CLPTM1L: variants seen among roughly 807,000 people sequenced by gnomAD.
CLPTM1L encodes lipid scramblase CLPTM1L.
CLPTM1L carries 38 observed loss-of-function variants against 70.9 expected under a neutral mutation model. The ratio of observed to expected loss-of-function variants is 0.54; its 90% CI spans 0.41 to 0.70. CLPTM1L has a LOEUF of 0.70. Ranked by LOEUF, CLPTM1L falls within the 30% of genes least tolerant of loss-of-function variation. CLPTM1L has a pLI of 0.00. For synonymous variants in CLPTM1L, 339 were observed against 299.9 expected (o/e 1.13, Z -1.35); for missense variants, 652 against 705.9 (o/e 0.92, Z 0.87).
At chr5:1,332,189 G>A (rs1369276479) in intron 7 of CLPTM1L, 1 of 368,398 alleles carries the variant, frequency 2.7e-6, no homozygotes, top group East Asian at 5.1e-5. Flanking sequence ...GGCCTGGCTG[G>A]GCACCCCTGC....
Position 1,318,603 on chromosome 5 carries a change from G to A in CLPTM1L, c.1533-150C>T, listed in dbSNP as rs577439365. ...TCGAATCCTCAGAAGTTTTACTGCC[G>A]AGGGCTGAGGAGGGATTTCTGAGTT... is the stretch of plus-strand genomic sequence containing the variant. On this transcript the variant is annotated intron_variant, in intron 16 of 16. Coordinates refer to ENST00000320895, the MANE Select transcript of CLPTM1L (RefSeq NM_030782.5). The surrounding 1 kb of genome is among the most constrained non-coding windows in gnomAD (Gnocchi z 8.9). The A allele has an allele frequency of 2.0e-5, 13 of 643,352 alleles. No homozygotes were observed. The highest frequency in any genetic ancestry group is 9.1e-5 in the African/African-American group (5 of 55,022). The allele number at this position is 643,352 out of a possible 1,614,324, so 39.9% of individuals were successfully genotyped here.
At chr5:1,334,964 G>A (rs1429797284) in intron 6 of CLPTM1L, 93 bp downstream of exon 6, 18 of 863,632 alleles carry the variant, frequency 2.1e-5, no homozygotes, top group South Asian at 1.6e-4. Flanking sequence ...AGCAGGAGGC[G>A]AGGAGGCCCC....
At chr5:1,332,792 T>G (rs1381410384) in intron 7 of CLPTM1L, among the ~76,000 whole-genome samples, 1 of 152,258 alleles carries the variant, frequency 6.6e-6, no homozygotes, top group Non-Finnish European at 1.5e-5. Flanking sequence ...ACTTATAAAT[T>G]GAACTTTATC....
chr5:1,331,503 G>A (rs1189563843), intron 8 of CLPTM1L: 8 of 502,744 alleles, frequency 1.6e-5, no homozygotes, highest in Non-Finnish European at 2.9e-5. Context: ...AGAGGTCCAT[G>A]CATCTCACTC....
chr5:1,340,989 C>G (rs1332370602), intron 3 of CLPTM1L, among the ~76,000 whole-genome samples: 1 of 152,178 alleles, frequency 6.6e-6, no homozygotes, highest in Non-Finnish European at 1.5e-5. Flanking sequence ...TAGTCTCGAA[C>G]TCCTGACTGC....
intron 5 of CLPTM1L, among the ~76,000 whole-genome samples, chr5:1,337,213 G>C (rs1054870187): frequency 6.6e-6 from 1 of 152,214 alleles, no homozygotes; most frequent in Non-Finnish European, 1.5e-5. Flanking sequence ...CACAATTACG[G>C]AAAGATTCAC....
intron 13 of CLPTM1L, 135 bp downstream of exon 13, chr5:1,322,742 T>A: frequency 1.1e-6 from 1 of 886,066 alleles, no homozygotes; most frequent in South Asian, 1.4e-5. Context: ...GCACCGCACA[T>A]GTGCCAGAAC....
chr5:1,324,899 G>C (rs1200104732), intron 10 of CLPTM1L, 86 bp from the exon 11 acceptor site: 2 of 1,273,082 alleles, frequency 1.6e-6, no homozygotes, highest in East Asian at 4.6e-5. Context: ...CGTCACATAT[G>C]GCTGCAGAGC....
chr5:1,327,418 C>T (rs531908142), intron 9 of CLPTM1L, among the ~76,000 whole-genome samples: 7 of 147,062 alleles, frequency 4.8e-5, no homozygotes, highest in African/African-American at 1.8e-4. Context: ...CCAGCTCCTC[C>T]TCTACAGACA....
chr5:1,338,410 G>C (rs556677947), intron 4 of CLPTM1L: 3 of 165,408 alleles, frequency 1.8e-5, no homozygotes, highest in East Asian at 9.4e-5. Context: ...GCAGGAGTTG[G>C]GGGGGGGATC....
In CLPTM1L at chr5:1,344,803, C is replaced by T. The variant is rs1754175077; in HGVS notation, c.39G>A (p.Val13=). Reference sequence around the variant, plus strand: ...GCACCACGTAGACCACGAACACGCCCACCACCAAGCTGGTGAAGGAGCTGC... The same window carrying T: ...GCACCACGTAGACCACGAACACGCCTACCACCAAGCTGGTGAAGGAGCTGC... The part of the protein sequence containing the change: ...SGRSSFTSLV[V]GVFVVYVVHT... The change falls in exon 1 of 17, where the codon GTG becomes GTA. Residue 13 remains valine, a synonymous_variant. Coordinates refer to ENST00000320895, the MANE Select transcript of CLPTM1L (RefSeq NM_030782.5). 1 of 1,599,722 alleles carries T rather than the reference C, an allele frequency of 6.3e-7. No individual in the cohort carries two copies. The highest frequency in any genetic ancestry group is 1.1e-5 in the South Asian group (1 of 89,150).
In CLPTM1L at chr5:1,318,404, CGTA is replaced by C. The variant is rs1561224742; in HGVS notation, c.1579_1581del (p.Tyr527del). 1.2e-6 allele frequency: 2 copies of C among 1,613,906 alleles called. No homozygotes were observed. Among genetic ancestry groups the C allele is most frequent in the Admixed American group, 3.3e-5 (2 of 60,032 alleles). ...TGGGGCGCCCGCGTGGCCTTCTCCT[CGTA>C]GGACTCCCCAAACTCGTTCACTCTG... On this transcript the variant is annotated inframe_deletion, in exon 17 of 17. Coordinates refer to ENST00000320895, the MANE Select transcript of CLPTM1L (RefSeq NM_030782.5). This position sits in a 1 kb window ranked among gnomAD's most constrained non-coding sequence, Gnocchi z 8.9.
Position 1,341,629 on chromosome 5 carries a change from G to A in CLPTM1L, c.453+42C>T, listed in dbSNP as rs774022487. ...GGAGAAAGACATGTCCGTTCTGACG[G>A]AGAGGCACAGCCTGTTATCAGTAAC... On this transcript the variant is annotated intron_variant, in intron 3 of 16. Coordinates refer to ENST00000320895, the MANE Select transcript of CLPTM1L (RefSeq NM_030782.5). 29 of 1,524,786 alleles carry A rather than the reference G, an allele frequency of 1.9e-5. No individual in the cohort carries two copies. In the Middle Eastern group the frequency reaches 5.2e-4, roughly 27 times the overall value. The allele number at this position is 1,524,786 out of a possible 1,614,324, so 94.5% of individuals were successfully genotyped here. A position where few individuals can be genotyped will look rare whatever the true frequency, so the allele number is the denominator to read the frequency against.
intron 10 of CLPTM1L, chr5:1,325,481 C>A: frequency 1.9e-6 from 1 of 518,692 alleles, no homozygotes. Context: ...CACGTGCTGG[C>A]CAGCCAGCAT....
Position 1,318,579 on chromosome 5 carries a change from C to T in CLPTM1L, c.1533-126G>A, listed in dbSNP as rs997344638. 9.3e-6 allele frequency: 7 copies of T among 749,640 alleles called. No homozygotes were observed. The highest frequency in any genetic ancestry group is 1.8e-5 in the South Asian group (1 of 56,884). The allele number at this position is 749,640 out of a possible 1,614,324, so 46.4% of individuals were successfully genotyped here. A position where few individuals can be genotyped will look rare whatever the true frequency, so the allele number is the denominator to read the frequency against. On this transcript the variant is annotated intron_variant, in intron 16 of 16. Transcript: ENST00000320895. The surrounding 1 kb of genome is among the most constrained non-coding windows in gnomAD (Gnocchi z 8.9). The stretch of plus-strand genomic sequence containing the variant: ...ACAGTGAGCAAATTAACTAAAAAGT[C>T]GAATCCTCAGAAGTTTTACTGCCGA...
intron 12 of CLPTM1L, among the ~76,000 whole-genome samples, chr5:1,323,216 C>G (rs1006980610): frequency 2.7e-5 from 4 of 147,336 alleles, no homozygotes; most frequent in African/African-American, 1.0e-4. Flanking sequence ...GCACCCTGCC[C>G]GGGCAGCAGA....
rs540429226 is a variant in CLPTM1L, at chr5:1,338,772, C to T, written c.599+88G>A. Reference sequence around the variant, plus strand: ...GTGCCTCCCCACAGAGGGGACTCCACGGTGCAGGAGTGACCTGCTGGCGAG... The same window carrying T: ...GTGCCTCCCCACAGAGGGGACTCCATGGTGCAGGAGTGACCTGCTGGCGAG... On this transcript the variant is annotated intron_variant, in intron 4 of 16. Coordinates refer to ENST00000320895, the MANE Select transcript of CLPTM1L (RefSeq NM_030782.5). The T allele has an allele frequency of 5.0e-3, 7,458 of 1,488,398 alleles. 67 individuals are homozygous for T. The highest frequency in any genetic ancestry group is 5.7e-3 in the Non-Finnish European group (6,190 of 1,086,090). 92.2% of individuals were successfully genotyped at this position (1,488,398 alleles called of 1,614,324 possible). A position where few individuals can be genotyped will look rare whatever the true frequency, so the allele number is the denominator to read the frequency against.
chr5:1,336,945 AC>A (rs1228910849), intron 5 of CLPTM1L, among the ~76,000 whole-genome samples: 2 of 151,808 alleles, frequency 1.3e-5, no homozygotes, highest in South Asian at 2.1e-4. Flanking sequence ...TCCCAGCTGC[AC>A]CCCCCCGCTA....
chr5:1,328,964 G>A (rs1174754251), intron 9 of CLPTM1L, among the ~76,000 whole-genome samples: 2 of 152,004 alleles, frequency 1.3e-5, no homozygotes, highest in Non-Finnish European at 2.9e-5. Context: ...CTCCTCTACA[G>A]ACACATTTCA....
Sources: gnomAD v4.1 joint callset for allele counts (sites outside exome capture counted in the v4.1 genomes callset) on GRCh38, gnomAD v4.1.1 for gene constraint, Gnocchi (gnomAD v3.1) non-coding constraint, MANE v1.5 for transcripts, NCBI Gene and HGNC (gene_info 2026-07-23, HGNC 2026-07-21) for gene names.